The following PDIA6 variants were observed in gnomAD, a reference collection of about 807,000 sequenced individuals.
The protein encoded by PDIA6 is protein disulfide-isomerase A6.
In PDIA6, 29 loss-of-function variants were observed where a neutral mutation model predicts 58.4. The observed-to-expected ratio is 0.50, with a 90% CI of 0.37 to 0.68. The LOEUF (loss-of-function observed/expected upper bound fraction) is 0.68, where lower values mean the gene tolerates loss of function less well. Among genes scored for constraint, PDIA6 ranks in the 30% least tolerant of loss-of-function variants. The probability of loss-of-function intolerance (pLI) is 0.00; values close to 1 mark genes in which losing one functional copy is unlikely to be tolerated. For missense variants in PDIA6, 480 were observed against 551.0 expected (o/e 0.87, Z 1.29); for synonymous variants, 192 against 202.6 (o/e 0.95, Z 0.44).
rs189700336 is a variant in PDIA6 at position 10,827,306 on chromosome 2, G to A, written c.-48+4896C>T. ...TCAAACTTCTGACCTCAGATGATCC[G>A]CCCTCCTCAGCCTCCCAAAGTGCTG... On this transcript the variant is annotated intron_variant, in intron 1 of 13. Transcript: ENST00000381611. 5.0e-3 allele frequency among the ~76,000 whole-genome samples: 759 copies of A among 151,922 alleles called. 4 individuals are homozygous for A. The highest frequency in any genetic ancestry group is 0.014 in the Middle Eastern group (4 of 294).
chr2:10,803,201 A>C (rs1666587035), intron 1 of PDIA6, among the ~76,000 whole-genome samples: 1 of 152,240 alleles, frequency 6.6e-6, no homozygotes. Flanking sequence ...CTTGTTGCCC[A>C]GGCTGGAGTG....
intron 1 of PDIA6, chr2:10,810,148 C>T: frequency 1.4e-6 from 1 of 697,908 alleles, no homozygotes; most frequent in Non-Finnish European, 2.5e-6. Context: ...AAACATTTTG[C>T]ATATATTAAG....
chr2:10,827,751 G>A (rs992434105), intron 1 of PDIA6, among the ~76,000 whole-genome samples: 7 of 151,296 alleles, frequency 4.6e-5, no homozygotes, highest in African/African-American at 7.3e-5. Context: ...TTGAATCTGG[G>A]AGGCACAGGT....
intron 1 of PDIA6, among the ~76,000 whole-genome samples, chr2:10,812,147 T>C (rs377662487): frequency 7.9e-5 from 12 of 152,310 alleles, no homozygotes; most frequent in Non-Finnish European, 1.2e-4. Flanking sequence ...TGACCTCAGA[T>C]GATCCACCCG....
intron 1 of PDIA6, among the ~76,000 whole-genome samples, chr2:10,825,426 A>G (rs558266791): frequency 1.8e-4 from 28 of 152,150 alleles, no homozygotes; most frequent in African/African-American, 6.5e-4. Context: ...ATTAGTTCAC[A>G]CTCCTCTCCC....
At chr2:10,829,952 G>A (rs560612931) in intron 1 of PDIA6, among the ~76,000 whole-genome samples, 117 of 152,278 alleles carry the variant, frequency 7.7e-4, no homozygotes, top group African/African-American at 2.8e-3. Flanking sequence ...CTGTGCTCCC[G>A]CCATGCCCAA....
intron 4 of PDIA6, among the ~76,000 whole-genome samples, chr2:10,793,588 T>C (rs1423523265): frequency 6.6e-6 from 1 of 152,096 alleles, no homozygotes; most frequent in Non-Finnish European, 1.5e-5. Flanking sequence ...GGTCACAAAC[T>C]CCTGACCTCA....
At chr2:10,791,361 G>T (rs112933333) in intron 6 of PDIA6, among the ~76,000 whole-genome samples, 70 of 152,224 alleles carry the variant, frequency 4.6e-4, no homozygotes, top group Middle Eastern at 3.4e-3. Context: ...GCCCAGGCTG[G>T]TCTCAAAGTC....
At position 10,783,844 on chromosome 2, in the gene PDIA6, AACTT is replaced by A. The variant is rs1393665407; in HGVS notation, c.*410_*413del. 8.8e-5 allele frequency: 14 copies of A among 159,136 alleles called. No homozygotes were observed. Among genetic ancestry groups the A allele is most frequent in the African/African-American group, 2.9e-4 (12 of 41,592 alleles). 9.9% of individuals were successfully genotyped at this position (159,136 alleles called of 1,614,324 possible). A position where few individuals can be genotyped will look rare whatever the true frequency, so the allele number is the denominator to read the frequency against. On this transcript the variant is annotated 3_prime_UTR_variant, in exon 13 of 13. Transcript: ENST00000272227. ...ACTCTGAATTTATGATGTGGATACT[AACTT>A]CATACATTTATCGGCATTGTCCAAA... is the stretch of plus-strand genomic sequence containing the variant.
upstream of PDIA6, among the ~76,000 whole-genome samples, chr2:10,835,818 A>G (rs1283718209): frequency 6.6e-6 from 1 of 152,220 alleles, no homozygotes; most frequent in Non-Finnish European, 1.5e-5. Flanking sequence ...TAGGAGACCG[A>G]GGCGGGCGGA....
At chr2:10,816,077 C>CTTTTTTTTTTTTTTT (rs57404091), upstream of PDIA6, among the ~76,000 whole-genome samples, 22 of 96,470 alleles carry the variant, frequency 2.3e-4, 2 homozygotes, top group African/African-American at 9.9e-4. Flanking sequence ...AATCATTTGT[C>CTTTTTTTTTTTTTTT]TTTTTTTTTT....
At chr2:10,822,571 A>T (rs1667432342) in intron 1 of PDIA6, among the ~76,000 whole-genome samples, 1 of 152,178 alleles carries the variant, frequency 6.6e-6, no homozygotes, top group Non-Finnish European at 1.5e-5. Context: ...CTCATAAATG[A>T]TTTTTAATGT....
rs1055566679 is a variant in PDIA6 at position 10,783,435 on chromosome 2, C to T, written c.*823G>A. The T allele has an allele frequency of 4.0e-6, 2 of 503,136 alleles. No homozygotes were observed. Among genetic ancestry groups the T allele is most frequent in the African/African-American group, 3.9e-5 (2 of 50,994 alleles). The allele number at this position is 503,136 out of a possible 1,614,324, so 31.2% of individuals were successfully genotyped here. Reference sequence around the variant, plus strand: ...TTTTTTTAAGTTACAATAAAATGCTCTCAAGTCCTTTGAATGTTCCAACAA... The same window carrying T: ...TTTTTTTAAGTTACAATAAAATGCTTTCAAGTCCTTTGAATGTTCCAACAA... On this transcript the variant is annotated 3_prime_UTR_variant, in exon 13 of 13. Transcript: ENST00000272227.
intron 12 of PDIA6, 61 bp from the exon 13 acceptor site, chr2:10,784,387 A>G: frequency 7.3e-7 from 1 of 1,361,922 alleles, no homozygotes; most frequent in South Asian, 1.2e-5. Context: ...GAAGGTCAAC[A>G]TCTCATTTTA....
intron 5 of PDIA6, among the ~76,000 whole-genome samples, chr2:10,792,812 G>A (rs555842762): frequency 1.3e-5 from 2 of 152,184 alleles, no homozygotes; most frequent in Non-Finnish European, 2.9e-5. Context: ...GGACCTACAA[G>A]TGCCATGGGA....
intron 1 of PDIA6, among the ~76,000 whole-genome samples, chr2:10,828,077 T>C (rs1650697598): frequency 6.6e-6 from 1 of 151,958 alleles, no homozygotes; most frequent in Non-Finnish European, 1.5e-5. Flanking sequence ...GCAGCCCGCA[T>C]GTTTGTTACA....
intron 1 of PDIA6, among the ~76,000 whole-genome samples, chr2:10,812,202 G>A (rs781656827): frequency 1.3e-5 from 2 of 152,284 alleles, no homozygotes; most frequent in Admixed American, 6.5e-5. Flanking sequence ...GAGCCACCGC[G>A]CCCGGCTTAA....
chr2:10,812,648 G>A (rs1558456575), intron 1 of PDIA6, 30 bp downstream of exon 1: 2 of 1,516,618 alleles, frequency 1.3e-6, no homozygotes, highest in Non-Finnish European at 8.8e-7. Context: ...ACCCCAGCTC[G>A]CCCGCCTCCC....
chr2:10,789,775 T>TA lies in PDIA6; in HGVS notation c.813dup (p.Asn272Ter). 6.2e-7 allele frequency: 1 copy of TA among 1,613,936 alleles called. No homozygotes were observed. The highest frequency in any genetic ancestry group is 8.5e-7 in the Non-Finnish European group (1 of 1,179,890). ...TCAAGCAGCTCAGGAGGTGGGGCGT[T>TA]ATCAGAAAACAAATCAAGGGCCCGG... On this transcript the variant is annotated frameshift_variant, in exon 8 of 13. Transcript: ENST00000272227. LOFTEE classifies it high-confidence loss of function.
Sources: allele counts gnomAD v4.1 joint callset (sites outside exome capture counted in the v4.1 genomes callset), GRCh38; gene constraint gnomAD v4.1.1; transcripts MANE v1.5; gene names NCBI Gene and HGNC (gene_info 2026-07-23, HGNC 2026-07-21).